The following RGS2 variants were observed in gnomAD, a reference collection of about 807,000 sequenced individuals.
The protein encoded by RGS2 is G0 to G1 switch regulatory 8, 24kD.
RGS2 carries 20 observed loss-of-function variants against 26.6 expected under a neutral mutation model. The observed-to-expected ratio is 0.75, with a 90% confidence interval of 0.53 to 1.09. The LOEUF is 1.09. Ranked by LOEUF, RGS2 falls within the 50% of genes least tolerant of loss-of-function variation. The pLI is 0.00. For synonymous variants in RGS2, 97 were observed against 79.9 expected (o/e 1.21, Z -1.14); for missense variants, 246 against 245.5 (o/e 1.00, Z -0.01).
Position 192,810,215 on chromosome 1 carries a change from A to G in RGS2, c.160A>G (p.Thr54Ala). ...GAGCTACTTCTTACAAAATTCCTCTACTCCTGGGAAGCCCAAAACCGGCAA... is the reference window on the plus strand; with the variant it reads ...GAGCTACTTCTTACAAAATTCCTCTGCTCCTGGGAAGCCCAAAACCGGCAA... ...RLSYFLQNSSTPGKPKTGKKS... is the reference protein window; with the variant it reads ...RLSYFLQNSSAPGKPKTGKKS... The change falls in exon 2 of 5, where the codon ACT (threonine) becomes GCT (alanine). Residue 54 changes from threonine (T) to alanine (A), a missense_variant. Thr to Ala is a moderately conservative substitution (Grantham distance 58, BLOSUM62 0). Coordinates refer to ENST00000235382, the MANE Select transcript of RGS2 (RefSeq NM_002923.4). The G allele has an allele frequency of 6.2e-7, 1 of 1,613,814 alleles. No homozygotes were observed. The highest frequency in any genetic ancestry group is 8.5e-7 in the Non-Finnish European group (1 of 1,179,810).
In RGS2 at chr1:192,811,491, A is replaced by T. The variant is rs776083561; in HGVS notation, c.531A>T (p.Val177=). 6 of 1,614,082 alleles carry T rather than the reference A, an allele frequency of 3.7e-6. No individual in the cohort carries two copies. The highest frequency in any genetic ancestry group is 2.5e-6 in the Non-Finnish European group (3 of 1,179,892). The stretch of plus-strand genomic sequence containing the variant: ...GCTTTACAACTGCCCAGAAAAGGGT[A>T]TACAGCTTGATGGAGAACAACTCTT... ...SGCFTTAQKR[V]YSLMENNSYP... Residue 177 remains valine, a synonymous_variant, in exon 5 of 5, where the codon GTA becomes GTT. Coordinates refer to ENST00000235382, the MANE Select transcript of RGS2 (RefSeq NM_002923.4).
intron 4 of RGS2, 127 bp from the exon 5 acceptor site, chr1:192,811,275 G>A: frequency 7.6e-7 from 1 of 1,322,234 alleles, no homozygotes; most frequent in South Asian, 1.2e-5. Flanking sequence ...TTTCAGTTAT[G>A]TTAAAGTTCT....
chr1:192,809,255 C>A, intron 1 of RGS2, 74 bp downstream of exon 1: 1 of 1,116,518 alleles, frequency 9.0e-7, no homozygotes, highest in Non-Finnish European at 1.4e-6. Flanking sequence ...TACTTTCGGG[C>A]TCGCCTTTGA....
intron 1 of RGS2, among the ~76,000 whole-genome samples, chr1:192,809,717 A>G (rs551636926): frequency 6.6e-5 from 10 of 152,090 alleles, no homozygotes; most frequent in African/African-American, 2.4e-4. Context: ...CTCTTTGTAC[A>G]GTCTCTGGCG....
chr1:192,811,050 C>G lies in RGS2; in HGVS notation c.344C>G (p.Ala115Gly). Residue 115 changes from alanine to glycine, a missense_variant, in exon 4 of 5, where the codon GCC becomes GGC. Ala to Gly is a moderately conservative substitution (Grantham distance 60). Transcript: ENST00000235382. ...FCEENIEFWL[A>G]CEDFKKTKSP... ...GAAGAAAATATTGAATTCTGGCTGGCCTGTGAAGACTTCAAAAAAACCAAA... is the reference window on the plus strand; with the variant it reads ...GAAGAAAATATTGAATTCTGGCTGGGCTGTGAAGACTTCAAAAAAACCAAA... The G allele has an allele frequency of 6.2e-7, 1 of 1,613,988 alleles. No homozygotes were observed. The highest frequency in any genetic ancestry group is 8.5e-7 in the Non-Finnish European group (1 of 1,179,952).
In RGS2 at chr1:192,809,041, A is replaced by C. The variant is rs778221511; in HGVS notation, c.-31A>C. 5.2e-6 allele frequency: 8 copies of C among 1,537,888 alleles called. No homozygotes were observed. The African/African-American group carries it at 9.5e-5, about 18-fold the overall frequency. On this transcript the variant is annotated 5_prime_UTR_variant, in exon 1 of 5. Coordinates refer to ENST00000235382, the MANE Select transcript of RGS2 (RefSeq NM_002923.4). The stretch of plus-strand genomic sequence containing the variant: ...AATGCTGCGACGCACGCCCAGCCGC[A>C]AACAGCCGGGGCTCCAGCGGGAGAA...
chr1:192,811,832 T>A lies in RGS2; in HGVS notation c.*236T>A. ...GAACGCAAGAAGGGAATAGGTGGTC[T>A]GAACGTGGTGTCTCACTCTGAAAAG... On this transcript the variant is annotated 3_prime_UTR_variant, in exon 5 of 5. Transcript: ENST00000235382. 3.6e-6 allele frequency: 2 copies of A among 558,464 alleles called. No individual in the cohort carries two copies. Among genetic ancestry groups the A allele is most frequent in the South Asian group, 4.0e-5 (2 of 49,604 alleles). The allele number at this position is 558,464 out of a possible 1,614,324, so 34.6% of individuals were successfully genotyped here.
Position 192,812,016 on chromosome 1 carries a change from A to G in RGS2, c.*420A>G, listed in dbSNP as rs2102107466. On this transcript the variant is annotated 3_prime_UTR_variant, in exon 5 of 5. Transcript: ENST00000235382. ...TAGTAGTTTTAGTTTAGGATTCAGT[A>G]ACAGTGAAGTGTTTACTATGTGCAA... 3.7e-6 allele frequency: 1 copy of G among 271,818 alleles called. No homozygotes were observed. The highest frequency in any genetic ancestry group is 7.3e-6 in the Non-Finnish European group (1 of 136,602). The allele number at this position is 271,818 out of a possible 1,614,324, so 16.8% of individuals were successfully genotyped here.
At chr1:192,811,307 C>G (rs920954760) in intron 4 of RGS2, 95 bp from the exon 5 acceptor site, 15 of 1,295,582 alleles carry the variant, frequency 1.2e-5, no homozygotes, top group Non-Finnish European at 1.4e-5. Context: ...GCTAGTAAAG[C>G]TAATCACACA....
Position 192,809,140 on chromosome 1 carries a change from C to T in RGS2, c.69C>T (p.Gly23=). ...CCATGGACAAGAGCGCAGGCAGTGG[C>T]CACAAGAGCGAGGAGAAGCGAGAAA... ...CRPMDKSAGS[G]HKSEEKREKM... Residue 23 remains glycine, a synonymous_variant, in exon 1 of 5, where the codon GGC becomes GGT. Coordinates refer to ENST00000235382, the MANE Select transcript of RGS2 (RefSeq NM_002923.4). 3 of 1,613,792 alleles carry T rather than the reference C, an allele frequency of 1.9e-6. No homozygotes were observed. Among genetic ancestry groups the T allele is most frequent in the Non-Finnish European group, 2.5e-6 (3 of 1,179,740 alleles).
At chr1:192,809,952 A>G (rs929552462) in intron 1 of RGS2, among the ~76,000 whole-genome samples, 6 of 152,196 alleles carry the variant, frequency 3.9e-5, no homozygotes, top group African/African-American at 1.4e-4. Flanking sequence ...CTTAGTTGTA[A>G]AACTAGTAGA....
chr1:192,809,100 A>T lies in RGS2; in HGVS notation c.29A>T (p.Gln10Leu), dbSNP rs369259338. ...CAAAGTGCTATGTTCTTGGCTGTTC[A>T]ACACGACTGCAGACCCATGGACAAG... MQSAMFLAV[Q>L]HDCRPMDKSA... The change falls in exon 1 of 5, where the codon CAA (glutamine) becomes CTA (leucine). Residue 10 changes from glutamine to leucine, a missense_variant. Gln to Leu is a moderately radical substitution (Grantham distance 113). Coordinates refer to ENST00000235382, the MANE Select transcript of RGS2 (RefSeq NM_002923.4). 1.5e-5 allele frequency: 24 copies of T among 1,613,968 alleles called. No individual in the cohort carries two copies. In the African/African-American group the frequency reaches 2.8e-4, roughly 19 times the overall value.
At position 192,809,134 on chromosome 1, in the gene RGS2, C is replaced by CA. The variant is rs1247266831; in HGVS notation, c.64dup (p.Ser22LysfsTer54). On this transcript the variant is annotated frameshift_variant, in exon 1 of 5. Transcript: ENST00000235382. LOFTEE classifies it high-confidence loss of function. ...GCAGACCCATGGACAAGAGCGCAGG[C>CA]AGTGGCCACAAGAGCGAGGAGAAGC... 6.2e-7 allele frequency: 1 copy of CA among 1,613,946 alleles called. No homozygotes were observed. The highest frequency in any genetic ancestry group is 1.7e-5 in the Admixed American group (1 of 60,022).
chr1:192,810,137 G>T, intron 1 of RGS2, 29 bp from the exon 2 acceptor site: 4 of 1,366,296 alleles, frequency 2.9e-6, no homozygotes, highest in Non-Finnish European at 4.2e-6. Context: ...TTGCTAGTTA[G>T]TAATTATCTT....
At chr1:192,810,318 G>GA in intron 2 of RGS2, 51 bp downstream of exon 2, 2 of 1,605,790 alleles carry the variant, frequency 1.2e-6, no homozygotes, top group Non-Finnish European at 1.7e-6. Context: ...CTGCTGAACT[G>GA]AAAAGGGGAA....
intron 2 of RGS2, 44 bp downstream of exon 2, chr1:192,810,311 C>T: frequency 6.2e-7 from 1 of 1,603,560 alleles, no homozygotes; most frequent in Non-Finnish European, 8.5e-7. Flanking sequence ...TAGTTAGCTG[C>T]TGAACTGAAA....
chr1:192,809,762 T>C (rs1212090631), intron 1 of RGS2, among the ~76,000 whole-genome samples: 2 of 152,184 alleles, frequency 1.3e-5, no homozygotes, highest in Non-Finnish European at 1.5e-5. Flanking sequence ...GAGAGAAGCG[T>C]GGGCCGGCTC....
Position 192,810,225 on chromosome 1 carries a change from A to C in RGS2, c.170A>C (p.Lys57Thr). The part of the protein sequence containing the change: ...YFLQNSSTPG[K>T]PKTGKKSKQQ... The stretch of plus-strand genomic sequence containing the variant: ...TTACAAAATTCCTCTACTCCTGGGA[A>C]GCCCAAAACCGGCAAAAAAAGCAAA... Residue 57 changes from lysine to threonine, a missense_variant, in exon 2 of 5, where the codon AAG becomes ACG. By Grantham distance (78) the Lys-to-Thr change is moderately conservative. Coordinates refer to ENST00000235382, the MANE Select transcript of RGS2 (RefSeq NM_002923.4). The C allele has an allele frequency of 6.2e-7, 1 of 1,614,164 alleles. No homozygotes were observed. Among genetic ancestry groups the C allele is most frequent in the African/African-American group, 1.3e-5 (1 of 75,074 alleles).
At position 192,811,871 on chromosome 1, in the gene RGS2, T is replaced by C. The variant is rs1665598239; in HGVS notation, c.*275T>C. The C allele has an allele frequency of 2.0e-6, 1 of 491,278 alleles. No homozygotes were observed. The highest frequency in any genetic ancestry group is 3.3e-5 in the Admixed American group (1 of 30,088). The allele number at this position is 491,278 out of a possible 1,614,324, so 30.4% of individuals were successfully genotyped here. A position where few individuals can be genotyped will look rare whatever the true frequency, so the allele number is the denominator to read the frequency against. ...CACTCTGAAAAGCAGGAATGTAAGA[T>C]GATGAAAGAGACAATGTAATACTGT... On this transcript the variant is annotated 3_prime_UTR_variant, in exon 5 of 5. Transcript: ENST00000235382.
Sources: gnomAD v4.1 joint callset for allele counts (sites outside exome capture counted in the v4.1 genomes callset) on GRCh38, gnomAD v4.1.1 for gene constraint, MANE v1.5 for transcripts, NCBI Gene and HGNC (gene_info 2026-07-23, HGNC 2026-07-21) for gene names.